IRF2: variants seen among roughly 807,000 people sequenced by gnomAD.
IRF2 encodes the protein interferon regulatory factor 2.
Under a neutral mutation model 40.6 loss-of-function variants are expected in IRF2, and 15 were observed. The ratio of observed to expected loss-of-function variants is 0.37; its 90% CI spans 0.25 to 0.57. The LOEUF is 0.57. IRF2 is among the 20% of genes least tolerant of loss of function. IRF2 has a pLI of 0.77. For synonymous variants in IRF2, 151 were observed against 165.5 expected (o/e 0.91, Z 0.67); for missense variants, 317 against 455.7 (o/e 0.70, Z 2.77).
chr4:184,433,011 G>A (rs1053683442), intron 1 of IRF2, among the ~76,000 whole-genome samples: 2 of 152,158 alleles, frequency 1.3e-5, no homozygotes, highest in African/African-American at 4.8e-5. Context: ...CTGAGGCAAG[G>A]TGGCCCCTGT....
In IRF2 at chr4:184,387,840, C is replaced by T. The variant is rs1346489208; in HGVS notation, c.*918G>A. ...CAAAATTAAAAAAAAAAATGTGCCA[C>T]AAGGATGTAATAACAACTGCTGATA... On this transcript the variant is annotated 3_prime_UTR_variant, in exon 9 of 9. Coordinates refer to ENST00000393593, the MANE Select transcript of IRF2 (RefSeq NM_002199.4). The T allele has an allele frequency of 6.6e-6, 1 of 150,442 alleles. No individual in the cohort carries two copies. The highest frequency in any genetic ancestry group is 1.5e-5 in the Non-Finnish European group (1 of 67,730). The allele number at this position is 150,442 out of a possible 1,614,324, so 9.3% of individuals were successfully genotyped here.
chr4:184,415,075 A>G (rs1737214847), intron 5 of IRF2, among the ~76,000 whole-genome samples: 1 of 152,198 alleles, frequency 6.6e-6, no homozygotes, highest in Admixed American at 6.5e-5. Flanking sequence ...CACTCTACAG[A>G]GACACTGAGT....
chr4:184,451,104 A>G (rs1010229054), intron 1 of IRF2, among the ~76,000 whole-genome samples: 1 of 152,264 alleles, frequency 6.6e-6, no homozygotes, highest in African/African-American at 2.4e-5. Context: ...GTTGAAAAGC[A>G]CTGAACTGTT....
chr4:184,420,710 G>T (rs1737452997), intron 2 of IRF2, among the ~76,000 whole-genome samples: 1 of 152,160 alleles, frequency 6.6e-6, no homozygotes, highest in Non-Finnish European at 1.5e-5. Context: ...AGGTACTAAG[G>T]TCCCATTGGC....
chr4:184,429,072 T>C lies in IRF2; in HGVS notation c.-6-2A>G. On this transcript the variant is annotated splice_acceptor_variant, in intron 1 of 8. Coordinates refer to ENST00000393593, the MANE Select transcript of IRF2 (RefSeq NM_002199.4). LOFTEE classifies it low-confidence loss of function (5UTR_SPLICE). Reference sequence around the variant, plus strand: ...CATCCTTTCCACCGGCATGGTGCCCTTGAGGGAGAGAAACACAGCGTCAGG... The same window carrying C: ...CATCCTTTCCACCGGCATGGTGCCCCTGAGGGAGAGAAACACAGCGTCAGG... 6.2e-7 allele frequency: 1 copy of C among 1,613,404 alleles called. No individual in the cohort carries two copies. The highest frequency in any genetic ancestry group is 8.5e-7 in the Non-Finnish European group (1 of 1,179,394).
intron 2 of IRF2, among the ~76,000 whole-genome samples, chr4:184,426,359 C>A (rs1038065262): frequency 6.6e-6 from 1 of 152,174 alleles, no homozygotes; most frequent in Non-Finnish European, 1.5e-5. Context: ...TCCTTCCTCG[C>A]CTCTTCTTGG....
chr4:184,417,110 T>C (rs1383623042), intron 5 of IRF2, among the ~76,000 whole-genome samples: 1 of 152,098 alleles, frequency 6.6e-6, no homozygotes, highest in Non-Finnish European at 1.5e-5. Flanking sequence ...AGGGCTGCAA[T>C]TTCATGTTAG....
At chr4:184,447,325 C>T (rs1353896384) in intron 1 of IRF2, among the ~76,000 whole-genome samples, 1 of 152,160 alleles carries the variant, frequency 6.6e-6, no homozygotes, top group Non-Finnish European at 1.5e-5. Flanking sequence ...GTATTTCTGT[C>T]ATTGAACAAA....
intron 2 of IRF2, among the ~76,000 whole-genome samples, chr4:184,420,018 C>T (rs1737426522): frequency 6.6e-6 from 1 of 152,176 alleles, no homozygotes; most frequent in African/African-American, 2.4e-5. Context: ...CTGGCATGTG[C>T]CACCACGCCT....
intron 7 of IRF2, among the ~76,000 whole-genome samples, chr4:184,394,700 C>T (rs1736383344): frequency 6.6e-6 from 1 of 152,092 alleles, no homozygotes; most frequent in African/African-American, 2.4e-5. Context: ...ACTCTCCAGC[C>T]CCTCTTACCC....
At chr4:184,460,612 T>A (rs751136941) in intron 1 of IRF2, among the ~76,000 whole-genome samples, 16 of 151,790 alleles carry the variant, frequency 1.1e-4, no homozygotes, top group African/African-American at 3.2e-4. Context: ...AAGTATTCAC[T>A]ATAGCCAAAC....
chr4:184,467,526 A>G (rs962319823), intron 1 of IRF2, among the ~76,000 whole-genome samples: 1 of 152,210 alleles, frequency 6.6e-6, no homozygotes, highest in Admixed American at 6.5e-5. Flanking sequence ...TCTTTCAAAA[A>G]TAACATGGTA....
rs1436334352 is a variant in IRF2 at position 184,387,825 on chromosome 4, A to C, written c.*933T>G. The C allele has an allele frequency of 6.6e-6, 1 of 152,576 alleles. No individual in the cohort carries two copies. Among genetic ancestry groups the C allele is most frequent in the Non-Finnish European group, 1.5e-5 (1 of 68,028 alleles). 9.5% of individuals were successfully genotyped at this position (152,576 alleles called of 1,614,324 possible). A position where few individuals can be genotyped will look rare whatever the true frequency, so the allele number is the denominator to read the frequency against. ...CTTTTTTCACCTTTACAAAATTAAAAAAAAAAATGTGCCACAAGGATGTAA... is the reference window on the plus strand; with the variant it reads ...CTTTTTTCACCTTTACAAAATTAAACAAAAAAATGTGCCACAAGGATGTAA... On this transcript the variant is annotated 3_prime_UTR_variant, in exon 9 of 9. Transcript: ENST00000393593.
intron 6 of IRF2, among the ~76,000 whole-genome samples, chr4:184,400,490 CT>C (rs1354038356): frequency 6.6e-6 from 1 of 152,128 alleles, no homozygotes. Flanking sequence ...TGCTACAAGC[CT>C]TTGACTATTA....
chr4:184,389,184 C>T (rs1487983576), intron 8 of IRF2, 118 bp from the exon 9 acceptor site: 15 of 988,938 alleles, frequency 1.5e-5, no homozygotes, highest in Non-Finnish European at 2.3e-5. Context: ...CTTTGGGAGG[C>T]TGAGGCTGGA....
At chr4:184,416,033 A>T (rs2149899094) in intron 5 of IRF2, among the ~76,000 whole-genome samples, 2 of 152,206 alleles carry the variant, frequency 1.3e-5, no homozygotes, top group South Asian at 4.2e-4. Flanking sequence ...AAAAATACAA[A>T]CTCAGCCAGG....
intron 6 of IRF2, among the ~76,000 whole-genome samples, chr4:184,404,805 G>A (rs1407434109): frequency 6.6e-6 from 1 of 152,202 alleles, no homozygotes; most frequent in Non-Finnish European, 1.5e-5. Context: ...GGCTGTCCCT[G>A]ACTACAGGCT....
At chr4:184,461,822 C>T (rs2149917536) in intron 1 of IRF2, among the ~76,000 whole-genome samples, 1 of 152,228 alleles carries the variant, frequency 6.6e-6, no homozygotes, top group South Asian at 2.1e-4. Flanking sequence ...TTCACCCTGA[C>T]TTCACCAATA....
chr4:184,472,237 G>A (rs1246944863), intron 1 of IRF2: 4 of 152,184 alleles, frequency 2.6e-5, no homozygotes, highest in African/African-American at 9.7e-5. Context: ...GAAGAATAAA[G>A]GAAAGTTGGG....
Sources: allele counts gnomAD v4.1 joint callset (sites outside exome capture counted in the v4.1 genomes callset), GRCh38; gene constraint gnomAD v4.1.1; transcripts MANE v1.5; gene names NCBI Gene and HGNC (gene_info 2026-07-23, HGNC 2026-07-21).